CHEK2: variants seen among roughly 807,000 people sequenced by gnomAD.
CHEK2 encodes the protein checkpoint kinase 2, also known as serine/threonine-protein kinase Chk2.
Under a neutral mutation model 69.1 loss-of-function variants are expected in CHEK2, and 71 were observed. The ratio of observed to expected loss-of-function variants is 1.03; its 90% CI spans 0.85 to 1.25. The LOEUF (loss-of-function observed/expected upper bound fraction) is 1.25. Ranked by LOEUF, CHEK2 falls within the 50% of genes most tolerant of loss-of-function variation. CHEK2 has a pLI of 0.00. For synonymous variants in CHEK2, 189 were observed against 226.9 expected, an observed-to-expected ratio of 0.83 and a Z score of 1.50; for missense variants, 664 against 649.6, an observed-to-expected ratio of 1.02 and a Z score of -0.24.
chr22:28,725,500 T>C, intron 2 of CHEK2, 133 bp from the exon 3 acceptor site: 1 of 1,108,722 alleles, frequency 9.0e-7, no homozygotes, highest in Non-Finnish European at 1.4e-6. Flanking sequence ...TTATCAAGAT[T>C]TTACAAGATT....
At chr22:28,708,975 C>CA (rs2053284540) in intron 7 of CHEK2, 3 of 325,904 alleles carry the variant, frequency 9.2e-6, no homozygotes, top group East Asian at 2.0e-4. Flanking sequence ...AAAAAAAAAA[C>CA]AAACAAAAAA....
At chr22:28,696,731 G>A (rs1022325067) in intron 10 of CHEK2, among the ~76,000 whole-genome samples, 170 bp downstream of exon 10, 2 of 152,096 alleles carry the variant, frequency 1.3e-5, no homozygotes, top group South Asian at 4.1e-4. Context: ...CTCAATAAAT[G>A]CTCATTCGAA....
Position 28,694,066 on chromosome 22 carries a change from G to A in CHEK2, c.1427C>T (p.Thr476Met), listed in dbSNP as rs142763740. ...CGGGTGTCTTAAGGCTTCTTCTGTC[G>A]TAAAACGTGCCTTTGGATCCACTAC... ...LLVVDPKARF[T>M]TEEALRHPWL... The change falls in exon 13 of 15, where the codon ACG (threonine) becomes ATG (methionine). Residue 476 changes from threonine to methionine, a missense_variant. By Grantham distance (81) the Thr-to-Met change is moderately conservative. Coordinates refer to ENST00000404276, the MANE Select transcript of CHEK2 (RefSeq NM_007194.4). 644 of 1,595,894 alleles carry A rather than the reference G, an allele frequency of 4.0e-4. 1 individual carries two copies. In the Middle Eastern group the frequency reaches 4.1e-3, roughly 10 times the overall value.
chr22:28,729,540 C>CAAAAAAAAAAAAAAAAAAAAAAAAAAAA (rs58149342), intron 2 of CHEK2, among the ~76,000 whole-genome samples: 3 of 83,078 alleles, frequency 3.6e-5, no homozygotes, highest in East Asian at 3.5e-4. Context: ...GACTCCATCT[C>CAAAAAAAAAAAAAAAAAAAAAAAAAAAA]AAAAAAAAAA....
At chr22:28,716,466 G>C (rs1277756165) in intron 5 of CHEK2, among the ~76,000 whole-genome samples, 1 of 152,120 alleles carries the variant, frequency 6.6e-6, no homozygotes, top group Non-Finnish European at 1.5e-5. Flanking sequence ...CAAAGTGCTA[G>C]GATTACAGGT....
intron 1 of CHEK2, chr22:28,737,272 C>T: frequency 6.3e-6 from 3 of 474,880 alleles, no homozygotes; most frequent in South Asian, 1.6e-5. Flanking sequence ...TAGACGTTAG[C>T]AGCCTCAGCA....
At chr22:28,689,388 C>T in intron 13 of CHEK2, 173 bp from the exon 14 acceptor site, 1 of 674,214 alleles carries the variant, frequency 1.5e-6, no homozygotes, top group Non-Finnish European at 2.7e-6. Context: ...TCTACCTTCC[C>T]AGAGGAGTCT....
chr22:28,734,339 T>TA, intron 2 of CHEK2, 64 bp downstream of exon 2: 2 of 1,512,620 alleles, frequency 1.3e-6, no homozygotes, highest in East Asian at 4.6e-5. Flanking sequence ...TTCCACCTGG[T>TA]AATACAACTT....
chr22:28,690,627 C>T (rs1166041070), intron 13 of CHEK2, among the ~76,000 whole-genome samples: 1 of 128,830 alleles, frequency 7.8e-6, no homozygotes, highest in Non-Finnish European at 1.6e-5. Context: ...AACACTGTCT[C>T]CAAAAAAAAA....
intron 5 of CHEK2, among the ~76,000 whole-genome samples, chr22:28,714,558 C>T (rs377390309): frequency 8.9e-4 from 136 of 152,230 alleles, no homozygotes; most frequent in African/African-American, 3.1e-3. Context: ...AGATATAGGG[C>T]TTGCAAATAT....
chr22:28,734,838 AC>A lies in CHEK2; in HGVS notation c.-6-112del. On this transcript the variant is annotated intron_variant, in intron 1 of 14. Coordinates refer to ENST00000404276, the MANE Select transcript of CHEK2 (RefSeq NM_007194.4). ...AGCAAAAGAAAAGAAAAAAAAAAAA[AC>A]AGGGCAAACATGCTCTCCAAAAATT... The A allele has an allele frequency of 3.5e-6, 3 of 868,712 alleles. No individual in the cohort carries two copies. The South Asian group carries it at 4.7e-5, about 14-fold the overall frequency. 53.8% of individuals were successfully genotyped at this position (868,712 alleles called of 1,614,324 possible).
chr22:28,731,676 T>C (rs1028741150), intron 2 of CHEK2, among the ~76,000 whole-genome samples: 2 of 152,100 alleles, frequency 1.3e-5, no homozygotes, highest in Non-Finnish European at 2.9e-5. Flanking sequence ...ATCAGGATCT[T>C]TGTTTACTTG....
intron 4 of CHEK2, among the ~76,000 whole-genome samples, chr22:28,722,304 G>T (rs540328125): frequency 6.6e-6 from 1 of 151,922 alleles, no homozygotes; most frequent in African/African-American, 2.4e-5. Context: ...ACTTTGGAAG[G>T]CCGAGGCGGA....
rs60257889 is a variant in CHEK2 at position 28,705,968 on chromosome 22, AAAACT to A, written c.847-2407_847-2403del. On this transcript the variant is annotated intron_variant, in intron 7 of 14. Coordinates refer to ENST00000404276, the MANE Select transcript of CHEK2 (RefSeq NM_007194.4). ...CAAAAAACTAAACTAAACTAAACTA[AAAACT>A]AAACTAAACTAAACTAAACTAAACT... Among the ~76,000 whole-genome samples, 20 of 147,534 alleles carry A rather than the reference AAAACT, an allele frequency of 1.4e-4. No individual in the cohort carries two copies. The East Asian group carries it at 1.6e-3, about 12-fold the overall frequency.
At chr22:28,739,207 C>T (rs1001345577) in intron 1 of CHEK2, among the ~76,000 whole-genome samples, 1 of 151,852 alleles carries the variant, frequency 6.6e-6, no homozygotes, top group African/African-American at 2.4e-5. Flanking sequence ...GAGACGGAGA[C>T]GGAGGTTGCA....
At chr22:28,740,254 T>C (rs911272734) in intron 1 of CHEK2, among the ~76,000 whole-genome samples, 1 of 152,220 alleles carries the variant, frequency 6.6e-6, no homozygotes, top group Non-Finnish European at 1.5e-5. Flanking sequence ...ACGCTTTTGT[T>C]ATTAGTCCTC....
At chr22:28,702,863 A>G (rs143487774) in intron 8 of CHEK2, among the ~76,000 whole-genome samples, 43 of 152,326 alleles carry the variant, frequency 2.8e-4, no homozygotes, top group African/African-American at 1.0e-3. Flanking sequence ...ACTTTAAATA[A>G]TCTCTAAAAT....
rs987815892 is a variant in CHEK2 at position 28,710,006 on chromosome 22, A to G, written c.846T>C (p.His282=). 6.7e-7 allele frequency: 1 copy of G among 1,490,544 alleles called. No homozygotes were observed. Among genetic ancestry groups the G allele is most frequent in the Non-Finnish European group, 9.3e-7 (1 of 1,069,918 alleles). The allele number at this position is 1,490,544 out of a possible 1,614,324, so 92.3% of individuals were successfully genotyped here. A position where few individuals can be genotyped will look rare whatever the true frequency, so the allele number is the denominator to read the frequency against. Reference sequence around the variant, plus strand: ...GTATGAGTCATATAATAATACTTACATGATTTAGCTTTTTCAAAATTTCTA... The same window carrying G: ...GTATGAGTCATATAATAATACTTACGTGATTTAGCTTTTTCAAAATTTCTA... The part of the protein sequence containing the change: ...TEIEILKKLN[H]PCIIKIKNFF... Residue 282 remains histidine, a splice_region_variant and synonymous_variant, in exon 7 of 15, where the codon CAT becomes CAC. Coordinates refer to ENST00000404276, the MANE Select transcript of CHEK2 (RefSeq NM_007194.4).
chr22:28,707,129 C>T (rs1408715834), intron 7 of CHEK2, among the ~76,000 whole-genome samples: 1 of 152,014 alleles, frequency 6.6e-6, no homozygotes, highest in Non-Finnish European at 1.5e-5. Context: ...CTCTAGTGTC[C>T]GCTACCTCCA....
Sources: gnomAD v4.1 joint callset for allele counts (sites outside exome capture counted in the v4.1 genomes callset) on GRCh38, gnomAD v4.1.1 for gene constraint, MANE v1.5 for transcripts, NCBI Gene and HGNC (gene_info 2026-07-23, HGNC 2026-07-21) for gene names.